Variants in RPAP3 observed in about 807,000 individuals in gnomAD.
RPAP3 encodes the protein RNA polymerase II-associated protein 3.
A neutral mutation model predicts 88.8 loss-of-function variants in RPAP3; 58 were observed. The ratio of observed to expected loss-of-function variants is 0.65; its 90% confidence interval spans 0.53 to 0.81. The LOEUF is 0.81. RPAP3 is among the 40% of genes least tolerant of loss of function. The pLI, the probability that RPAP3 is intolerant of heterozygous loss-of-function variation, is 0.00. For synonymous variants in RPAP3, 255 were observed against 259.9 expected, an observed-to-expected ratio of 0.98 and a Z score of 0.18; for missense variants, 751 against 764.3, an observed-to-expected ratio of 0.98 and a Z score of 0.20.
intron 4 of RPAP3, 115 bp from the exon 5 acceptor site, chr12:47,696,518 C>A: frequency 1.6e-6 from 1 of 620,536 alleles, no homozygotes; most frequent in East Asian, 3.4e-5. Flanking sequence ...AGATTTTTTT[C>A]AATAGAAGTC....
At position 47,674,855 on chromosome 12, in the gene RPAP3, T is replaced by C. The variant is rs187799782; in HGVS notation, c.1288-4510A>G. Reference sequence around the variant, plus strand: ...ATTATCCAGGAGAACTTCCCCAACCTAGCAAGGCAGGCCAACATTCAAATT... The same window carrying C: ...ATTATCCAGGAGAACTTCCCCAACCCAGCAAGGCAGGCCAACATTCAAATT... On this transcript the variant is annotated intron_variant, in intron 12 of 16. Transcript: ENST00000005386. Among the ~76,000 whole-genome samples the C allele has an allele frequency of 3.3e-3, 503 of 152,200 alleles. 1 individual carries two copies. Among genetic ancestry groups the C allele is most frequent in the Non-Finnish European group, 6.1e-3 (414 of 68,018 alleles).
chr12:47,690,710 G>T, intron 5 of RPAP3, 71 bp from the exon 6 acceptor site: 5 of 1,133,780 alleles, frequency 4.4e-6, no homozygotes, highest in Non-Finnish European at 4.8e-6. Flanking sequence ...TTCAAAATTT[G>T]TTTCTGAAAT....
chr12:47,680,341 G>T (rs1274174368), intron 10 of RPAP3, among the ~76,000 whole-genome samples: 1 of 152,134 alleles, frequency 6.6e-6, no homozygotes, highest in African/African-American at 2.4e-5. Flanking sequence ...TAGAGTTTTA[G>T]AATGGGATGA....
chr12:47,683,591 CT>C (rs1208977225), intron 9 of RPAP3, among the ~76,000 whole-genome samples: 1 of 152,182 alleles, frequency 6.6e-6, no homozygotes, highest in South Asian at 2.1e-4. Flanking sequence ...GACGATTATT[CT>C]TTGAAAATAG....
intron 5 of RPAP3, 77 bp from the exon 6 acceptor site, chr12:47,690,716 G>C: frequency 9.4e-7 from 1 of 1,060,146 alleles, no homozygotes. Flanking sequence ...ATTTGTTTCT[G>C]AAATCCTTGA....
At chr12:47,691,992 G>A (rs1175254240) in intron 5 of RPAP3, among the ~76,000 whole-genome samples, 9 of 152,042 alleles carry the variant, frequency 5.9e-5, no homozygotes, top group Non-Finnish European at 8.8e-5. Flanking sequence ...TGATCTGCCC[G>A]CCTCGGCCTC....
rs1939421375 is a variant in RPAP3, at chr12:47,691,215, CTTCAG to C, written c.546-581_546-577del. The stretch of plus-strand genomic sequence containing the variant: ...ACTAAGTTTATATAATGTTCTAAAT[CTTCAG>C]TTGTCATTTCAAAAACGTTCACGGC... On this transcript the variant is annotated intron_variant, in intron 5 of 16. Transcript: ENST00000005386. 2.6e-5 allele frequency among the ~76,000 whole-genome samples: 4 copies of C among 152,278 alleles called. No homozygotes were observed. The South Asian group carries it at 8.3e-4, about 32-fold the overall frequency.
intron 9 of RPAP3, among the ~76,000 whole-genome samples, chr12:47,682,227 T>C (rs907311426): frequency 6.6e-6 from 1 of 152,080 alleles, no homozygotes; most frequent in Non-Finnish European, 1.5e-5. Context: ...CCCATACTCA[T>C]AGAAAAACAA....
At chr12:47,696,888 T>C (rs139448648) in intron 4 of RPAP3, among the ~76,000 whole-genome samples, 2,672 of 152,310 alleles carry the variant, frequency 0.018, 36 homozygotes, top group Non-Finnish European at 0.024. Flanking sequence ...AGTCAAAAGT[T>C]ATATGCAGAT....
intron 16 of RPAP3, among the ~76,000 whole-genome samples, chr12:47,665,629 A>AT (rs139928164): frequency 0.06 from 8,934 of 150,102 alleles, 337 homozygotes; most frequent in Middle Eastern, 0.12. Context: ...TTTAATATAT[A>AT]TTTTTTTATT....
At chr12:47,689,925 C>T (rs1371991394) in intron 6 of RPAP3, among the ~76,000 whole-genome samples, 1 of 151,582 alleles carries the variant, frequency 6.6e-6, no homozygotes, top group Non-Finnish European at 1.5e-5. Flanking sequence ...CCTGTAATCC[C>T]GGATACTTGG....
chr12:47,681,961 A>G, intron 9 of RPAP3, 144 bp from the exon 10 acceptor site: 1 of 779,422 alleles, frequency 1.3e-6, no homozygotes. Context: ...GAACTATTTT[A>G]TAAATTTTTT....
chr12:47,690,314 G>A (rs746907701), intron 6 of RPAP3, among the ~76,000 whole-genome samples: 8 of 152,158 alleles, frequency 5.3e-5, no homozygotes, highest in African/African-American at 7.2e-5. Flanking sequence ...TTAGTAACAT[G>A]AGAATTTGAA....
In RPAP3 at chr12:47,663,416, T is replaced by C. The variant is rs1314616268; in HGVS notation, c.*89A>G. On this transcript the variant is annotated 3_prime_UTR_variant, in exon 17 of 17. Transcript: ENST00000005386. Reference sequence around the variant, plus strand: ...TCAAAGATAGTCCTTTCCTGCTATATAATTTCATTTTCTTAAAAAGCAAAA... The same window carrying C: ...TCAAAGATAGTCCTTTCCTGCTATACAATTTCATTTTCTTAAAAAGCAAAA... 3.6e-5 allele frequency: 28 copies of C among 787,400 alleles called. No homozygotes were observed. The highest frequency in any genetic ancestry group is 3.5e-4 in the South Asian group (22 of 63,110). 48.8% of individuals were successfully genotyped at this position (787,400 alleles called of 1,614,324 possible). A position where few individuals can be genotyped will look rare whatever the true frequency, so the allele number is the denominator to read the frequency against.
chr12:47,692,085 C>T (rs534657435), intron 5 of RPAP3, among the ~76,000 whole-genome samples: 3 of 152,298 alleles, frequency 2.0e-5, no homozygotes, highest in East Asian at 1.9e-4. Flanking sequence ...AGATGTCATC[C>T]AGACTTTGTT....
intron 12 of RPAP3, among the ~76,000 whole-genome samples, chr12:47,674,264 A>G (rs1939063304): frequency 6.6e-6 from 1 of 152,132 alleles, no homozygotes; most frequent in South Asian, 2.1e-4. Context: ...CAAAGACCAA[A>G]GGGAGATTAA....
At chr12:47,675,275 A>G (rs946337767) in intron 12 of RPAP3, among the ~76,000 whole-genome samples, 1 of 152,206 alleles carries the variant, frequency 6.6e-6, no homozygotes, top group Non-Finnish European at 1.5e-5. Flanking sequence ...AACAACCAGT[A>G]CCAGCCACTG....
chr12:47,666,610 C>T (rs780444262), intron 16 of RPAP3, among the ~76,000 whole-genome samples: 64 of 152,104 alleles, frequency 4.2e-4, no homozygotes, highest in Admixed American at 3.3e-4. Context: ...CCATTTACTG[C>T]GTTTTCAAGT....
At chr12:47,691,272 C>G (rs1939422303) in intron 5 of RPAP3, among the ~76,000 whole-genome samples, 1 of 152,170 alleles carries the variant, frequency 6.6e-6, no homozygotes, top group Admixed American at 6.5e-5. Flanking sequence ...AATTCTATCT[C>G]AAGAAACCAC....
Sources: gnomAD v4.1 joint callset for allele counts (sites outside exome capture counted in the v4.1 genomes callset) on GRCh38, gnomAD v4.1.1 for gene constraint, MANE v1.5 for transcripts, NCBI Gene and HGNC (gene_info 2026-07-23, HGNC 2026-07-21) for gene names.